The following TTLL5 variants were observed in gnomAD, a reference collection of about 807,000 sequenced individuals.
The protein encoded by TTLL5 is tubulin tyrosine ligase like 5, also known as tubulin polyglutamylase TTLL5.
Under a neutral mutation model 168.4 loss-of-function variants are expected in TTLL5, and 132 were observed. The observed-to-expected ratio is 0.78, with a 90% CI of 0.68 to 0.91. The LOEUF (loss-of-function observed/expected upper bound fraction) is 0.91. Among genes scored for constraint, TTLL5 ranks in the 40% least tolerant of loss-of-function variants. TTLL5 has a pLI of 0.00. For missense variants in TTLL5, 1,545 were observed against 1,581.5 expected, an observed-to-expected ratio of 0.98 and a Z score of 0.39; for synonymous variants, 546 against 558.6, an observed-to-expected ratio of 0.98 and a Z score of 0.32.
rs60194482 is a variant in TTLL5, at chr14:75,811,156, A to AGAGTGTGTGTGTGTGTGTGT, written c.3172-8850_3172-8849insAGTGTGTGTGTGTGTGTGTG. ...GGGAAAGAGAGGGAATGAAAGAAAG[A>AGAGTGTGTGTGTGTGTGTGT]GTGTGTGTGTGTGTGTGTGTGTGTG... On this transcript the variant is annotated intron_variant, in intron 27 of 31. Coordinates refer to ENST00000298832, the MANE Select transcript of TTLL5 (RefSeq NM_015072.5). 2.7e-4 allele frequency among the ~76,000 whole-genome samples: 31 copies of AGAGTGTGTGTGTGTGTGTGT among 116,626 alleles called. 1 individual carries two copies. The highest frequency in any genetic ancestry group is 1.0e-3 in the African/African-American group (30 of 29,656). The allele number at this position is 116,626 out of a possible 152,430, so 76.5% of individuals were successfully genotyped here.
chr14:75,677,798 T>A lies in TTLL5; in HGVS notation c.182-3747T>A, dbSNP rs548259182. The stretch of plus-strand genomic sequence containing the variant: ...ACACTTGGCTAATTAAAAAAAAAAA[T>A]TTTTTTTTTTTTTGTTAGTGACGAG... On this transcript the variant is annotated intron_variant, in intron 3 of 31. Coordinates refer to ENST00000298832, the MANE Select transcript of TTLL5 (RefSeq NM_015072.5). Among the ~76,000 whole-genome samples the A allele has an allele frequency of 9.5e-3, 1,370 of 144,652 alleles. 26 individuals are homozygous for A. Among genetic ancestry groups the A allele is most frequent in the African/African-American group, 0.032 (1,292 of 39,780 alleles). The allele number at this position is 144,652 out of a possible 152,430, so 94.9% of individuals were successfully genotyped here. A position where few individuals can be genotyped will look rare whatever the true frequency, so the allele number is the denominator to read the frequency against.
intron 15 of TTLL5, among the ~76,000 whole-genome samples, chr14:75,739,968 T>C (rs1889148512): frequency 6.6e-6 from 1 of 152,216 alleles, no homozygotes; most frequent in Admixed American, 6.5e-5. Context: ...TTGTTTTTCC[T>C]TCCAGATGTT....
At chr14:75,743,427 G>GTGC (rs1889386582) in intron 15 of TTLL5, among the ~76,000 whole-genome samples, 1 of 152,028 alleles carries the variant, frequency 6.6e-6, no homozygotes, top group Non-Finnish European at 1.5e-5. Context: ...GAAGTCCGAG[G>GTGC]TGCCGGCAAG....
At chr14:75,805,922 C>T (rs982004069) in intron 27 of TTLL5, among the ~76,000 whole-genome samples, 1 of 152,100 alleles carries the variant, frequency 6.6e-6, no homozygotes, top group Non-Finnish European at 1.5e-5. Context: ...TACTGTCCTG[C>T]TTAAGGCCTT....
At chr14:75,908,811 C>T (rs1312204719) in intron 31 of TTLL5, among the ~76,000 whole-genome samples, 1 of 152,104 alleles carries the variant, frequency 6.6e-6, no homozygotes, top group African/African-American at 2.4e-5. Context: ...GGGTCTTGCT[C>T]TGTTGCACAA....
chr14:75,841,507 T>C (rs927384029), intron 28 of TTLL5, among the ~76,000 whole-genome samples: 1 of 152,222 alleles, frequency 6.6e-6, no homozygotes, highest in Non-Finnish European at 1.5e-5. Flanking sequence ...TATTTATTCC[T>C]TTCTTTGTCA....
Position 75,914,052 on chromosome 14 carries a change from A to ATATATATATATATATATATG in TTLL5, c.3823+11831_3823+11832insATATATATATATATATGTAT, listed in dbSNP as rs1304496430. On this transcript the variant is annotated intron_variant, in intron 31 of 31. Coordinates refer to ENST00000298832, the MANE Select transcript of TTLL5 (RefSeq NM_015072.5). Reference sequence around the variant, plus strand: ...AAAAAAAATATATATATATATATATATATTTTATCCCCTAAGGGCCCAGTT... The same window carrying ATATATATATATATATATATG: ...AAAAAAAATATATATATATATATATATATATATATATATATATATGTATTTTATCCCCTAAGGGCCCAGTT... Among the ~76,000 whole-genome samples, 25 of 122,356 alleles carry ATATATATATATATATATATG rather than the reference A, an allele frequency of 2.0e-4. No homozygotes were observed. The East Asian group carries it at 5.0e-3, about 24-fold the overall frequency. The allele number at this position is 122,356 out of a possible 152,430, so 80.3% of individuals were successfully genotyped here.
chr14:75,863,333 C>T (rs2030191036), intron 28 of TTLL5, among the ~76,000 whole-genome samples: 1 of 152,206 alleles, frequency 6.6e-6, no homozygotes, highest in Non-Finnish European at 1.5e-5. Flanking sequence ...ATTGGAAGCT[C>T]TCTGGACTCT....
intron 18 of TTLL5, among the ~76,000 whole-genome samples, chr14:75,757,281 T>A: frequency 6.6e-6 from 1 of 152,172 alleles, no homozygotes; most frequent in Non-Finnish European, 1.5e-5. Context: ...CCCGTCCTTT[T>A]AATAGAGATT....
At chr14:75,672,928 G>A (rs563302473) in intron 3 of TTLL5, among the ~76,000 whole-genome samples, 5 of 151,228 alleles carry the variant, frequency 3.3e-5, no homozygotes, top group African/African-American at 9.7e-5. Context: ...TGTCAATTTC[G>A]TTGATCATTT....
At chr14:75,666,192 T>G (rs1883246417) in intron 2 of TTLL5, among the ~76,000 whole-genome samples, 3 of 152,234 alleles carry the variant, frequency 2.0e-5, no homozygotes, top group Admixed American at 2.0e-4. Flanking sequence ...ATTTAGAAGT[T>G]TGAAGGCCAT....
In TTLL5 at chr14:75,700,803, G is replaced by A. The variant is rs182749915; in HGVS notation, c.585+1533G>A. On this transcript the variant is annotated intron_variant, in intron 7 of 31. Coordinates refer to ENST00000298832, the MANE Select transcript of TTLL5 (RefSeq NM_015072.5). ...ATTCTTTCCTGCAAGGAGGCAATAAGTGAGTTGCTGCAGACCCACCCATAT... is the reference window on the plus strand; with the variant it reads ...ATTCTTTCCTGCAAGGAGGCAATAAATGAGTTGCTGCAGACCCACCCATAT... 1.9e-3 allele frequency among the ~76,000 whole-genome samples: 285 copies of A among 152,250 alleles called. 1 individual carries two copies. Among genetic ancestry groups the A allele is most frequent in the African/African-American group, 6.6e-3 (275 of 41,532 alleles).
intron 3 of TTLL5, among the ~76,000 whole-genome samples, chr14:75,679,606 ATCTC>A (rs1260050896): frequency 1.1e-4 from 17 of 152,344 alleles, no homozygotes; most frequent in African/African-American, 4.1e-4. Context: ...ATTATAATCT[ATCTC>A]TATCACTATT....
chr14:75,772,833 A>G (rs1891430818), intron 21 of TTLL5, among the ~76,000 whole-genome samples: 1 of 151,918 alleles, frequency 6.6e-6, no homozygotes, highest in South Asian at 2.1e-4. Flanking sequence ...AAGCCTAGCT[A>G]ATTTTGTATT....
At chr14:75,909,402 G>T (rs760920826) in intron 31 of TTLL5, among the ~76,000 whole-genome samples, 1 of 150,642 alleles carries the variant, frequency 6.6e-6, no homozygotes, top group African/African-American at 2.4e-5. Flanking sequence ...GCCCTGCCTT[G>T]CCTTTCCTAT....
At chr14:75,862,335 T>C (rs762388215) in intron 28 of TTLL5, among the ~76,000 whole-genome samples, 20 of 152,250 alleles carry the variant, frequency 1.3e-4, no homozygotes, top group Non-Finnish European at 2.9e-5. Flanking sequence ...TTCTTTTCTG[T>C]ATATATCTAC....
intron 9 of TTLL5, among the ~76,000 whole-genome samples, chr14:75,709,020 G>C (rs1886856019): frequency 6.6e-6 from 1 of 152,190 alleles, no homozygotes; most frequent in Admixed American, 6.5e-5. Context: ...ATAAATTTGT[G>C]TTGGGCCACA....
intron 9 of TTLL5, among the ~76,000 whole-genome samples, chr14:75,717,340 C>T (rs1443320039): frequency 6.6e-6 from 1 of 152,130 alleles, no homozygotes; most frequent in Non-Finnish European, 1.5e-5. Flanking sequence ...GTCTCAAACT[C>T]CTGGGCTCAA....
chr14:75,705,822 G>A (rs1886617152), intron 7 of TTLL5, among the ~76,000 whole-genome samples: 1 of 151,660 alleles, frequency 6.6e-6, no homozygotes, highest in African/African-American at 2.4e-5. Flanking sequence ...ATGGATTGTG[G>A]TGACTTCCAG....
Sources: gnomAD v4.1 joint callset for allele counts (sites outside exome capture counted in the v4.1 genomes callset) on GRCh38, gnomAD v4.1.1 for gene constraint, MANE v1.5 for transcripts, NCBI Gene and HGNC (gene_info 2026-07-23, HGNC 2026-07-21) for gene names.